The following FARP1 variants were observed in gnomAD, a reference collection of about 807,000 sequenced individuals.
FARP1 encodes the protein FERM, ARHGEF and pleckstrin domain-containing protein 1.
FARP1 carries 52 observed loss-of-function variants against 128.8 expected under a neutral mutation model. The observed-to-expected ratio is 0.40, with a 90% CI of 0.32 to 0.51. The LOEUF is 0.51. FARP1 is among the 20% of genes least tolerant of loss of function. The probability of loss-of-function intolerance (pLI) is 0.45; values close to 1 mark genes in which losing one functional copy is unlikely to be tolerated. For missense variants in FARP1, 1,333 were observed against 1,367.9 expected (o/e 0.97, Z 0.40); for synonymous variants, 580 against 551.8 (o/e 1.05, Z -0.72).
At chr13:98,311,652 C>T (rs1196901407) in intron 2 of FARP1, among the ~76,000 whole-genome samples, 1 of 151,900 alleles carries the variant, frequency 6.6e-6, no homozygotes, top group East Asian at 1.9e-4. Context: ...TGGTTGGTGG[C>T]CCTTTCTTAC....
Position 98,250,679 on chromosome 13 carries a change from C to T in FARP1, c.171+37266C>T, listed in dbSNP as rs556879712. 4.0e-4 allele frequency among the ~76,000 whole-genome samples: 60 copies of T among 151,858 alleles called. 2 individuals carry two copies. In the South Asian group the frequency reaches 0.01, roughly 25 times the overall value. On this transcript the variant is annotated intron_variant, in intron 2 of 26. Coordinates refer to ENST00000319562, the MANE Select transcript of FARP1 (RefSeq NM_005766.4). ...GAGGTTGCAGTGAGCCGAGATCACACCACTGCACTCTAGCCTGGGCGACAG... is the reference window on the plus strand; with the variant it reads ...GAGGTTGCAGTGAGCCGAGATCACATCACTGCACTCTAGCCTGGGCGACAG...
chr13:98,241,910 C>G (rs1266292117), intron 2 of FARP1, among the ~76,000 whole-genome samples: 1 of 152,024 alleles, frequency 6.6e-6, no homozygotes, highest in Non-Finnish European at 1.5e-5. Flanking sequence ...CAGATTGAGA[C>G]TCTGTCTAAA....
intron 2 of FARP1, among the ~76,000 whole-genome samples, chr13:98,259,866 T>C (rs1883785081): frequency 8.4e-6 from 1 of 118,982 alleles, no homozygotes; most frequent in Non-Finnish European, 1.8e-5. Context: ...AATGGGAAAT[T>C]TAAAGATACC....
rs1007032419 is a variant in FARP1 at position 98,449,136 on chromosome 13, G to A, written c.*819G>A. The A allele has an allele frequency of 1.3e-5, 2 of 152,204 alleles. No homozygotes were observed. The highest frequency in any genetic ancestry group is 2.4e-5 in the African/African-American group (1 of 41,450). 9.4% of individuals were successfully genotyped at this position (152,204 alleles called of 1,614,324 possible). On this transcript the variant is annotated 3_prime_UTR_variant, in exon 27 of 27. Coordinates refer to ENST00000319562, the MANE Select transcript of FARP1 (RefSeq NM_005766.4). Reference sequence around the variant, plus strand: ...GTCTGTGTCACAAGCATGAAAACCCGTGTGTCATTGATCAGCACCATTTGT... The same window carrying A: ...GTCTGTGTCACAAGCATGAAAACCCATGTGTCATTGATCAGCACCATTTGT...
intron 19 of FARP1, among the ~76,000 whole-genome samples, chr13:98,436,339 G>T (rs1892267286): frequency 6.6e-6 from 1 of 152,102 alleles, no homozygotes; most frequent in Non-Finnish European, 1.5e-5. Context: ...CAGGAACAAA[G>T]CCTGCCTTCT....
At position 98,365,450 on chromosome 13, in the gene FARP1, C is replaced by G. The variant is rs772323362; in HGVS notation, c.319+13C>G. ...AAACAGATTAGAAGTGAGTATATAC[C>G]ATATGTTTAATAGTGATGTGAAATC... On this transcript the variant is annotated intron_variant, in intron 4 of 26. Transcript: ENST00000319562. 4.4e-6 allele frequency: 7 copies of G among 1,577,216 alleles called. No individual in the cohort carries two copies. In the South Asian group the frequency reaches 7.8e-5, roughly 18 times the overall value.
chr13:98,314,454 A>G (rs887385250), intron 2 of FARP1, among the ~76,000 whole-genome samples: 2 of 150,960 alleles, frequency 1.3e-5, no homozygotes, highest in African/African-American at 2.4e-5. Flanking sequence ...TAATTTTTGT[A>G]TTTTTAGTAG....
At chr13:98,153,455 A>C (rs1425682925) in intron 1 of FARP1, among the ~76,000 whole-genome samples, 1 of 132,672 alleles carries the variant, frequency 7.5e-6, no homozygotes, top group African/African-American at 2.7e-5. Flanking sequence ...ATAATATATA[A>C]TACATTATAT....
At chr13:98,318,270 G>T (rs532513509) in intron 2 of FARP1, among the ~76,000 whole-genome samples, 1 of 151,666 alleles carries the variant, frequency 6.6e-6, no homozygotes, top group African/African-American at 2.4e-5. Context: ...TGTTGTTCAG[G>T]CTGGTCTCAA....
chr13:98,235,432 A>G (rs1377937414), intron 2 of FARP1, among the ~76,000 whole-genome samples: 1 of 152,198 alleles, frequency 6.6e-6, no homozygotes, highest in Non-Finnish European at 1.5e-5. Context: ...GATGTTTCAA[A>G]TATAAAGAAA....
chr13:98,256,948 GATATATATATATATATATATATATATAT>G (rs56701739), intron 2 of FARP1, among the ~76,000 whole-genome samples: 8 of 77,076 alleles, frequency 1.0e-4, no homozygotes, highest in Admixed American at 1.6e-4. Context: ...TATATATGTG[GATATATATATATATATATATATATATAT>G]ATATATATAT....
At chr13:98,145,315 C>T (rs1385200404) in intron 1 of FARP1, among the ~76,000 whole-genome samples, 1 of 152,198 alleles carries the variant, frequency 6.6e-6, no homozygotes, top group Non-Finnish European at 1.5e-5. Context: ...GAAGTTCTGT[C>T]ACTGTGGGAA....
intron 17 of FARP1, among the ~76,000 whole-genome samples, chr13:98,430,587 ACTGT>A (rs1353752672): frequency 1.3e-5 from 2 of 152,200 alleles, no homozygotes; most frequent in Non-Finnish European, 2.9e-5. Context: ...CTGCTTAGCT[ACTGT>A]CTGAGCAGAC....
intron 6 of FARP1, chr13:98,382,363 G>A (rs1361569829): frequency 2.0e-5 from 3 of 152,152 alleles, no homozygotes; most frequent in Non-Finnish European, 2.9e-5. Flanking sequence ...TCACTATGGC[G>A]TGACAGGAGG....
intron 2 of FARP1, among the ~76,000 whole-genome samples, chr13:98,331,426 C>T (rs1367518941): frequency 6.6e-6 from 1 of 152,126 alleles, no homozygotes; most frequent in African/African-American, 2.4e-5. Flanking sequence ...CCTTTTTCCT[C>T]TTCTAGTCAG....
rs1171619017 is a variant in FARP1 at position 98,439,211 on chromosome 13, G to A, written c.2433+15G>A. 6.3e-7 allele frequency: 1 copy of A among 1,589,680 alleles called. No homozygotes were observed. The highest frequency in any genetic ancestry group is 1.1e-5 in the South Asian group (1 of 89,088). On this transcript the variant is annotated intron_variant, in intron 21 of 26. Transcript: ENST00000319562. ...ATGGCATGACGGTGAGTACAGCACA[G>A]GCTCGTGGCCAGGGCCTGTCCTCGG...
At chr13:98,187,601 G>A (rs897786414) in intron 1 of FARP1, among the ~76,000 whole-genome samples, 1 of 152,196 alleles carries the variant, frequency 6.6e-6, no homozygotes, top group Non-Finnish European at 1.5e-5. Flanking sequence ...TTGAATGTCA[G>A]GCGAAATAAC....
intron 13 of FARP1, chr13:98,407,592 A>G (rs1891032183): frequency 6.6e-6 from 1 of 152,166 alleles, no homozygotes; most frequent in African/African-American, 2.4e-5. Flanking sequence ...AGGTATATTA[A>G]AAAACATGAG....
intron 2 of FARP1, among the ~76,000 whole-genome samples, chr13:98,339,630 T>C (rs1887879981): frequency 6.6e-6 from 1 of 152,224 alleles, no homozygotes; most frequent in Non-Finnish European, 1.5e-5. Flanking sequence ...ATTTGTGTAA[T>C]GCTTTATGGA....
Sources: gnomAD v4.1 joint callset for allele counts (sites outside exome capture counted in the v4.1 genomes callset) on GRCh38, gnomAD v4.1.1 for gene constraint, MANE v1.5 for transcripts, NCBI Gene and HGNC (gene_info 2026-07-23, HGNC 2026-07-21) for gene names.